FBXL7: variants seen among roughly 807,000 people sequenced by gnomAD.
FBXL7 encodes F-box/LRR-repeat protein 7.
Under a neutral mutation model 38.3 loss-of-function variants are expected in FBXL7, and 12 were observed. The observed-to-expected ratio is 0.31, with a 90% CI of 0.20 to 0.51. The LOEUF (loss-of-function observed/expected upper bound fraction) is 0.51, where lower values mean the gene tolerates loss of function less well. FBXL7 is among the 20% of genes least tolerant of loss of function. The pLI is 0.98. For missense variants in FBXL7, 567 were observed against 676.4 expected (o/e 0.84, Z 1.79); for synonymous variants, 297 against 300.9 (o/e 0.99, Z 0.13).
chr5:15,848,675 C>T (rs1338084059), intron 2 of FBXL7, among the ~76,000 whole-genome samples: 7 of 152,270 alleles, frequency 4.6e-5, no homozygotes, highest in Admixed American at 6.5e-5. Flanking sequence ...CCACCATCCC[C>T]GGCCGCATGT....
rs769483841 is a variant in FBXL7, at chr5:15,928,215, G to A, written c.453G>A (p.Pro151=). The change falls in exon 3 of 4, where the codon CCG becomes CCA. Residue 151 remains proline (P), a synonymous_variant. Transcript: ENST00000504595. This position sits in a 1 kb window ranked among gnomAD's most constrained non-coding sequence, Gnocchi z 4.0. The part of the protein sequence containing the change: ...CRRWYNLAWD[P]RLWRTIRLTG... Reference sequence around the variant, plus strand: ...GCTGGTACAACCTGGCCTGGGACCCGCGGCTCTGGAGGACTATCCGCCTGA... The same window carrying A: ...GCTGGTACAACCTGGCCTGGGACCCACGGCTCTGGAGGACTATCCGCCTGA... 1.4e-5 allele frequency: 23 copies of A among 1,610,010 alleles called. No individual in the cohort carries two copies. The highest frequency in any genetic ancestry group is 4.5e-5 in the East Asian group (2 of 44,698).
At chr5:15,581,901 C>T (rs1739154208) in intron 1 of FBXL7, among the ~76,000 whole-genome samples, 1 of 152,066 alleles carries the variant, frequency 6.6e-6, no homozygotes, top group African/African-American at 2.4e-5. Context: ...CATGGTCTTG[C>T]TCTGACCATA....
intron 1 of FBXL7, chr5:15,606,949 A>T (rs1561048624): frequency 1.3e-5 from 2 of 152,194 alleles, no homozygotes; most frequent in Non-Finnish European, 2.9e-5. Flanking sequence ...CCAAAAACTA[A>T]TATGCACCTG....
At chr5:15,731,822 C>T (rs1160701563) in intron 2 of FBXL7, among the ~76,000 whole-genome samples, 6 of 152,204 alleles carry the variant, frequency 3.9e-5, no homozygotes, top group East Asian at 1.9e-4. Flanking sequence ...AGGCTGTGTT[C>T]GGGGCTCTGG....
At chr5:15,722,572 A>G (rs1744228508) in intron 2 of FBXL7, among the ~76,000 whole-genome samples, 1 of 152,184 alleles carries the variant, frequency 6.6e-6, no homozygotes. Flanking sequence ...TGGCCGGCTC[A>G]TTTCCTGCTC....
At chr5:15,612,391 CATT>C (rs1053467442) in intron 1 of FBXL7, among the ~76,000 whole-genome samples, 4 of 152,080 alleles carry the variant, frequency 2.6e-5, no homozygotes, top group African/African-American at 4.8e-5. Context: ...TTATAAATAA[CATT>C]ATTATTTGTT....
At chr5:15,737,173 T>G (rs184074336) in intron 2 of FBXL7, among the ~76,000 whole-genome samples, 61 of 152,240 alleles carry the variant, frequency 4.0e-4, no homozygotes, top group Admixed American at 7.9e-4. Context: ...CTGATCTCCA[T>G]TTTTCCACTG....
At chr5:15,684,275 A>G (rs1742942737) in intron 2 of FBXL7, among the ~76,000 whole-genome samples, 1 of 152,198 alleles carries the variant, frequency 6.6e-6, no homozygotes, top group South Asian at 2.1e-4. Flanking sequence ...AGGAAAGTGA[A>G]TATTATAATA....
chr5:15,654,130 G>T (rs956456567), intron 2 of FBXL7, among the ~76,000 whole-genome samples: 6 of 152,060 alleles, frequency 3.9e-5, no homozygotes, highest in African/African-American at 1.4e-4. Flanking sequence ...TTACATCCCC[G>T]TAGACAGTGA....
chr5:15,814,890 C>T (rs1490821244), intron 2 of FBXL7, among the ~76,000 whole-genome samples: 2 of 152,110 alleles, frequency 1.3e-5, no homozygotes, highest in Non-Finnish European at 2.9e-5. Flanking sequence ...CAGCAGTGGC[C>T]TGGCGCTGTA....
chr5:15,683,241 TTTAA>T (rs1742908294), intron 2 of FBXL7, among the ~76,000 whole-genome samples: 1 of 152,210 alleles, frequency 6.6e-6, no homozygotes, highest in South Asian at 2.1e-4. Context: ...TATTGTTATT[TTTAA>T]TTAATCAGCT....
chr5:15,879,842 A>G (rs1239813270), intron 2 of FBXL7, among the ~76,000 whole-genome samples: 1 of 152,216 alleles, frequency 6.6e-6, no homozygotes, highest in Admixed American at 6.5e-5. Flanking sequence ...TAGGATCCCC[A>G]GCTGTGATGA....
chr5:15,759,481 A>C (rs1736385788), intron 2 of FBXL7, among the ~76,000 whole-genome samples: 1 of 152,180 alleles, frequency 6.6e-6, no homozygotes, highest in South Asian at 2.1e-4. Context: ...GATGTTGACA[A>C]AGCTTTTAAA....
intron 1 of FBXL7, among the ~76,000 whole-genome samples, chr5:15,589,337 C>T (rs1016811319): frequency 6.6e-6 from 1 of 151,954 alleles, no homozygotes; most frequent in Non-Finnish European, 1.5e-5. Flanking sequence ...GTGGATTTCC[C>T]CCGGCTTTTC....
chr5:15,544,026 G>T (rs888761277), intron 1 of FBXL7, among the ~76,000 whole-genome samples: 3 of 152,294 alleles, frequency 2.0e-5, no homozygotes, highest in Admixed American at 2.0e-4. Context: ...CGCAGACCGA[G>T]AATTTCTGCA....
In FBXL7 at chr5:15,583,461, C is replaced by T. The variant is rs58474461; in HGVS notation, c.38-32522C>T. 2.3e-3 allele frequency among the ~76,000 whole-genome samples: 355 copies of T among 152,292 alleles called. 2 individuals carry two copies. Among genetic ancestry groups the T allele is most frequent in the African/African-American group, 7.7e-3 (321 of 41,576 alleles). ...ACCTGTGAGCTGGTAAAATAAAACACAAATTAGTTCCTTCCAAGATACAAT... is the reference window on the plus strand; with the variant it reads ...ACCTGTGAGCTGGTAAAATAAAACATAAATTAGTTCCTTCCAAGATACAAT... On this transcript the variant is annotated intron_variant, in intron 1 of 3. Transcript: ENST00000504595.
At chr5:15,933,745 G>A (rs927102858) in intron 3 of FBXL7, among the ~76,000 whole-genome samples, 4 of 152,036 alleles carry the variant, frequency 2.6e-5, no homozygotes, top group Non-Finnish European at 5.9e-5. Context: ...AGTTTCCTGG[G>A]CAGCCTACCA....
chr5:15,828,037 A>G (rs879810165), intron 2 of FBXL7, among the ~76,000 whole-genome samples: 1 of 152,216 alleles, frequency 6.6e-6, no homozygotes, highest in Non-Finnish European at 1.5e-5. Context: ...AAGATAGGCA[A>G]CCATCCAGGC....
intron 2 of FBXL7, among the ~76,000 whole-genome samples, chr5:15,925,043 C>T (rs2126452846): frequency 6.6e-6 from 1 of 151,816 alleles, no homozygotes; most frequent in South Asian, 2.1e-4. Context: ...TGGACAAGCC[C>T]TATGTCACTA....
Sources: gnomAD v4.1 joint callset for allele counts (sites outside exome capture counted in the v4.1 genomes callset) on GRCh38, gnomAD v4.1.1 for gene constraint, Gnocchi (gnomAD v3.1) non-coding constraint, MANE v1.5 for transcripts, NCBI Gene and HGNC (gene_info 2026-07-23, HGNC 2026-07-21) for gene names.